CABP1: variants seen among roughly 807,000 people sequenced by gnomAD.
CABP1 encodes calcium-binding protein 1.
Under a neutral mutation model 34.3 loss-of-function variants are expected in CABP1, and 17 were observed. That is an observed-to-expected ratio of 0.50 (90% CI 0.34 to 0.74). The LOEUF (loss-of-function observed/expected upper bound fraction) is 0.74. Ranked by LOEUF, CABP1 falls within the 30% of genes least tolerant of loss-of-function variation. The pLI, the probability that CABP1 is intolerant of heterozygous loss-of-function variation, is 0.01. For missense variants in CABP1, 373 were observed against 511.1 expected (o/e 0.73, Z 2.61); for synonymous variants, 198 against 229.2 (o/e 0.86, Z 1.23).
the CABP1 span, among the ~76,000 whole-genome samples, chr12:120,674,519 G>C: frequency 6.6e-6 from 1 of 152,232 alleles, no homozygotes; most frequent in Non-Finnish European, 1.5e-5. Context: ...CTGCACTCCA[G>C]CTAATGGTTG....
At chr12:120,680,129 C>T in the CABP1 span, among the ~76,000 whole-genome samples, 1 of 152,150 alleles carries the variant, frequency 6.6e-6, no homozygotes. Flanking sequence ...GCAGAAATCA[C>T]ACCACTGCAC....
chr12:120,666,041 G>T (rs1470850936), intron 5 of CABP1, among the ~76,000 whole-genome samples: 2 of 149,594 alleles, frequency 1.3e-5, no homozygotes, highest in Admixed American at 1.3e-4. Flanking sequence ...AGAAAAGAGA[G>T]AGAGAGAAGG....
intron 1 of CABP1, among the ~76,000 whole-genome samples, chr12:120,643,281 T>C (rs1304451986): frequency 6.6e-6 from 1 of 152,212 alleles, no homozygotes; most frequent in Non-Finnish European, 1.5e-5. Flanking sequence ...TGGGCTTCCA[T>C]CTGACACCTC....
At chr12:120,662,783 C>T (rs922965712) in intron 5 of CABP1, among the ~76,000 whole-genome samples, 1 of 151,184 alleles carries the variant, frequency 6.6e-6, no homozygotes, top group Non-Finnish European at 1.5e-5. Flanking sequence ...CTCCTGGATT[C>T]AAGCGATTCT....
chr12:120,662,275 C>T (rs1384638288), intron 5 of CABP1: 2 of 152,292 alleles, frequency 1.3e-5, no homozygotes, highest in Non-Finnish European at 2.9e-5. Context: ...ATTCACACTC[C>T]ACCAAAATAC....
At chr12:120,656,266 G>A (rs1332113992) in intron 1 of CABP1, 2 of 1,553,636 alleles carry the variant, frequency 1.3e-6, no homozygotes, top group South Asian at 2.4e-5. Flanking sequence ...CTGAGAACAG[G>A]CAGCCTGTAC....
intron 5 of CABP1, among the ~76,000 whole-genome samples, chr12:120,664,949 A>T (rs111258944): frequency 6.6e-6 from 1 of 151,850 alleles, no homozygotes; most frequent in Admixed American, 6.6e-5. Flanking sequence ...GAGGGGACAC[A>T]CATGCATATT....
chr12:120,660,009 G>A lies in CABP1; in HGVS notation c.685+101G>A, dbSNP rs1347048957. On this transcript the variant is annotated intron_variant, in intron 2 of 5. Coordinates refer to ENST00000316803, the MANE Select transcript of CABP1 (RefSeq NM_001033677.2). This position sits in a 1 kb window ranked among gnomAD's most constrained non-coding sequence, Gnocchi z 5.0. ...GAGGCCCCTGGAAATGGGGCCTGGT[G>A]CAACGCGGGGTATCTTCTGTGAAAC... 1.4e-5 allele frequency: 18 copies of A among 1,314,262 alleles called. No individual in the cohort carries two copies. In the South Asian group the frequency reaches 1.9e-4, roughly 14 times the overall value. 81.4% of individuals were successfully genotyped at this position (1,314,262 alleles called of 1,614,324 possible). A position where few individuals can be genotyped will look rare whatever the true frequency, so the allele number is the denominator to read the frequency against.
rs971965038 is a variant in CABP1 at position 120,641,119 on chromosome 12, C to G, written c.434C>G (p.Pro145Arg). 1 of 1,227,028 alleles carries G rather than the reference C, an allele frequency of 8.1e-7. No homozygotes were observed. Among genetic ancestry groups the G allele is most frequent in the African/African-American group, 1.6e-5 (1 of 63,664 alleles). 76.0% of individuals were successfully genotyped at this position (1,227,028 alleles called of 1,614,324 possible). A position where few individuals can be genotyped will look rare whatever the true frequency, so the allele number is the denominator to read the frequency against. The change falls in exon 1 of 6, where the codon CCC becomes CGC. Residue 145 changes from proline to arginine, a missense_variant. Pro to Arg is a moderately radical substitution (Grantham distance 103). Coordinates refer to ENST00000316803, the MANE Select transcript of CABP1 (RefSeq NM_001033677.2). This position sits in a 1 kb window ranked among gnomAD's most constrained non-coding sequence, Gnocchi z 6.7. ...QRVLPQAHCR[P>R]REALPAAASR... ...GTGCTCCCCCAGGCGCACTGCAGGC[C>G]CCGGGAGGCGCTGCCGGCCGCGGCG...
At chr12:120,658,240 TGA>T (rs1880375627) in intron 1 of CABP1, among the ~76,000 whole-genome samples, 1 of 151,948 alleles carries the variant, frequency 6.6e-6, no homozygotes, top group Non-Finnish European at 1.5e-5. Context: ...ACTACAGGCG[TGA>T]ACCACCATGC....
At chr12:120,663,666 A>G (rs1334059568) in intron 5 of CABP1, among the ~76,000 whole-genome samples, 3 of 152,248 alleles carry the variant, frequency 2.0e-5, no homozygotes, top group Non-Finnish European at 4.4e-5. Flanking sequence ...AAGTAGCTTT[A>G]CACATATTCT....
Position 120,641,834 on chromosome 12 carries a change from A to G in CABP1, c.654+495A>G, listed in dbSNP as rs1879347130. 6.6e-6 allele frequency among the ~76,000 whole-genome samples: 1 copy of G among 152,196 alleles called. No homozygotes were observed. Among genetic ancestry groups the G allele is most frequent in the African/African-American group, 2.4e-5 (1 of 41,444 alleles). On this transcript the variant is annotated intron_variant, in intron 1 of 5. Coordinates refer to ENST00000316803, the MANE Select transcript of CABP1 (RefSeq NM_001033677.2). The surrounding 1 kb of genome is among the most constrained non-coding windows in gnomAD (Gnocchi z 6.7). ...TGGCCACTGCCTATCATGTCCCTGA[A>G]GGCCTGAGAAAAGTTAGGAGATCCA... is the stretch of plus-strand genomic sequence containing the variant.
the CABP1 span, among the ~76,000 whole-genome samples, chr12:120,672,442 G>A: frequency 6.6e-6 from 1 of 151,976 alleles, no homozygotes; most frequent in East Asian, 1.9e-4. Flanking sequence ...GGACCAGCCT[G>A]ACCAACATGG....
Position 120,640,748 on chromosome 12 carries a change from C to G in CABP1, c.63C>G (p.Val21=). 1 of 1,177,040 alleles carries G rather than the reference C, an allele frequency of 8.5e-7. No individual in the cohort carries two copies. Among genetic ancestry groups the G allele is most frequent in the Non-Finnish European group, 1.0e-6 (1 of 953,228 alleles). 72.9% of individuals were successfully genotyped at this position (1,177,040 alleles called of 1,614,324 possible). A position where few individuals can be genotyped will look rare whatever the true frequency, so the allele number is the denominator to read the frequency against. ...GGGACGGCGCCCGCCTCCAGCGCGT[C>G]CTCGGGCTTGGCTCCCGCCGGGAGC... ...RPGDGARLQR[V]LGLGSRREPR... Residue 21 remains valine, a synonymous_variant, in exon 1 of 6, where the codon GTC becomes GTG. Transcript: ENST00000316803. The surrounding 1 kb of genome is among the most constrained non-coding windows in gnomAD (Gnocchi z 6.2).
At chr12:120,663,891 A>G (rs934264927) in intron 5 of CABP1, among the ~76,000 whole-genome samples, 4 of 152,258 alleles carry the variant, frequency 2.6e-5, no homozygotes, top group Admixed American at 6.5e-5. Context: ...GGGAAAGGGT[A>G]AAATGTTGAC....
In CABP1 at chr12:120,665,524, G is replaced by A. The variant is rs570945264; in HGVS notation, c.1088-1351G>A. 7.9e-5 allele frequency among the ~76,000 whole-genome samples: 12 copies of A among 152,174 alleles called. No individual in the cohort carries two copies. The South Asian group carries it at 1.2e-3, about 16-fold the overall frequency. On this transcript the variant is annotated intron_variant, in intron 5 of 5. Coordinates refer to ENST00000316803, the MANE Select transcript of CABP1 (RefSeq NM_001033677.2). Reference sequence around the variant, plus strand: ...TGTCTGAACCCATAGAATGTACATCGCCAACAATGAACCCTGATGTAAACT... The same window carrying A: ...TGTCTGAACCCATAGAATGTACATCACCAACAATGAACCCTGATGTAAACT...
intron 5 of CABP1, among the ~76,000 whole-genome samples, chr12:120,664,003 G>A (rs1388561858): frequency 6.6e-6 from 1 of 152,224 alleles, no homozygotes; most frequent in Non-Finnish European, 1.5e-5. Flanking sequence ...TTTCTCTCAG[G>A]AGCAGTTGGC....
Position 120,661,244 on chromosome 12 carries a change from G to C in CABP1, c.1087+26G>C. The C allele has an allele frequency of 6.3e-7, 1 of 1,597,392 alleles. No homozygotes were observed. The highest frequency in any genetic ancestry group is 8.5e-7 in the Non-Finnish European group (1 of 1,177,292). ...GTAGGTGGGGCTTGAAAGTGGGAGA[G>C]AAGCAAGCCAGCAGTGGCCATCCAT... On this transcript the variant is annotated intron_variant, in intron 5 of 5. Coordinates refer to ENST00000316803, the MANE Select transcript of CABP1 (RefSeq NM_001033677.2). The surrounding 1 kb of genome is among the most constrained non-coding windows in gnomAD (Gnocchi z 5.1).
intron 1 of CABP1, chr12:120,656,162 G>A (rs773319102): frequency 2.7e-5 from 44 of 1,613,790 alleles, no homozygotes; most frequent in East Asian, 8.9e-5. Flanking sequence ...GGCTGACGCC[G>A]AGCTCCCGGG....
Sources: allele counts gnomAD v4.1 joint callset (sites outside exome capture counted in the v4.1 genomes callset), GRCh38; gene constraint gnomAD v4.1.1; non-coding constraint Gnocchi (gnomAD v3.1); transcripts MANE v1.5; gene names NCBI Gene and HGNC (gene_info 2026-07-23, HGNC 2026-07-21).